Variants in TBC1D9B observed in about 807,000 individuals in gnomAD.
TBC1D9B encodes the protein TBC1 domain family member 9B.
In TBC1D9B, 87 loss-of-function variants were observed where a neutral mutation model predicts 121.1. The ratio of observed to expected loss-of-function variants is 0.72; its 90% confidence interval spans 0.60 to 0.86. The LOEUF (loss-of-function observed/expected upper bound fraction) is 0.86. TBC1D9B is among the 40% of genes least tolerant of loss of function. The pLI, the probability that TBC1D9B is intolerant of heterozygous loss-of-function variation, is 0.00. For missense variants in TBC1D9B, 1,540 were observed against 1,628.6 expected, an observed-to-expected ratio of 0.95 and a Z score of 0.94; for synonymous variants, 668 against 670.1, an observed-to-expected ratio of 1.00 and a Z score of 0.05.
intron 18 of TBC1D9B, chr5:179,867,199 T>C (rs1476369141): frequency 1.5e-5 from 7 of 474,182 alleles, no homozygotes; most frequent in Non-Finnish European, 2.7e-5. Flanking sequence ...GTCTCTAACA[T>C]GTGGCTGTGG....
At chr5:179,876,226 C>T (rs557106005) in intron 10 of TBC1D9B, among the ~76,000 whole-genome samples, 189 bp from the exon 11 acceptor site, 1 of 152,300 alleles carries the variant, frequency 6.6e-6, no homozygotes, top group East Asian at 1.9e-4. Context: ...AGCAAATCTG[C>T]CTCTTCAGGA....
At position 179,875,615 on chromosome 5, in the gene TBC1D9B, T is replaced by A. The variant is rs896736772; in HGVS notation, c.1900+305A>T. On this transcript the variant is annotated intron_variant, in intron 11 of 20. Transcript: ENST00000355235. This position sits in a 1 kb window ranked among gnomAD's most constrained non-coding sequence, Gnocchi z 4.5. ...AATTAAACACTCTTGCAAGTCCATT[T>A]CCACTTCATAACAGATTTCACTGGA... Among the ~76,000 whole-genome samples, 1 of 152,158 alleles carries A rather than the reference T, an allele frequency of 6.6e-6. No individual in the cohort carries two copies. The highest frequency in any genetic ancestry group is 2.4e-5 in the African/African-American group (1 of 41,436).
chr5:179,894,240 G>A (rs1354311394), intron 4 of TBC1D9B, 146 bp downstream of exon 4: 33 of 764,722 alleles, frequency 4.3e-5, no homozygotes, highest in Non-Finnish European at 6.5e-5. Flanking sequence ...GGCCAAGGCC[G>A]GACAGTCCCA....
At chr5:179,889,406 G>A (rs1308902848) in intron 6 of TBC1D9B, among the ~76,000 whole-genome samples, 2 of 148,420 alleles carry the variant, frequency 1.3e-5, no homozygotes, top group Non-Finnish European at 2.9e-5. Flanking sequence ...GGGGAGAGGC[G>A]CACAGAAGGC....
intron 17 of TBC1D9B, 121 bp downstream of exon 17, chr5:179,869,648 C>T: frequency 9.2e-7 from 1 of 1,082,282 alleles, no homozygotes; most frequent in Non-Finnish European, 1.4e-6. Flanking sequence ...ATGTGAACCT[C>T]CAGCCTGCGA....
At chr5:179,903,480 TG>T (rs1761219725) in intron 2 of TBC1D9B, among the ~76,000 whole-genome samples, 1 of 152,172 alleles carries the variant, frequency 6.6e-6, no homozygotes, top group Non-Finnish European at 1.5e-5. Context: ...GGTCAGATTC[TG>T]TAAGGTGGCC....
rs1299063454 is a variant in TBC1D9B, at chr5:179,890,606, G to A, written c.1044+773C>T. Reference sequence around the variant, plus strand: ...CTATTCTCAGCTACATCTGCAACTTGAGGGATTTGTGCAAATGGCAGGGAG... The same window carrying A: ...CTATTCTCAGCTACATCTGCAACTTAAGGGATTTGTGCAAATGGCAGGGAG... On this transcript the variant is annotated intron_variant, in intron 6 of 20. Coordinates refer to ENST00000355235, the MANE Select transcript of TBC1D9B (RefSeq NM_015043.4). The surrounding 1 kb of genome is among the most constrained non-coding windows in gnomAD (Gnocchi z 5.0). 6.6e-6 allele frequency among the ~76,000 whole-genome samples: 1 copy of A among 152,238 alleles called. No individual in the cohort carries two copies. The highest frequency in any genetic ancestry group is 6.5e-5 in the Admixed American group (1 of 15,284).
At chr5:179,889,701 G>T (rs1760803374) in intron 6 of TBC1D9B, among the ~76,000 whole-genome samples, 2 of 151,810 alleles carry the variant, frequency 1.3e-5, no homozygotes, top group Admixed American at 1.3e-4. Context: ...ATGAATCCCT[G>T]TCTCTGTTAA....
chr5:179,878,416 G>C lies in TBC1D9B; in HGVS notation c.1675C>G (p.Arg559Gly). The stretch of plus-strand genomic sequence containing the variant: ...AAGGCAGGGTGCTCGGGCATGGAGC[G>C]GTGCAGGTCTCGCTCGATCTCCTCT... ...ATEEIERDLHRSMPEHPAFQN... is the reference protein window; with the variant it reads ...ATEEIERDLHGSMPEHPAFQN... Residue 559 changes from arginine to glycine, a missense_variant, in exon 10 of 21, where the codon CGC (arginine) becomes GGC (glycine). Arg to Gly is a moderately radical substitution (Grantham distance 125, BLOSUM62 -2). Coordinates refer to ENST00000355235, the MANE Select transcript of TBC1D9B (RefSeq NM_015043.4). 1 of 1,613,468 alleles carries C rather than the reference G, an allele frequency of 6.2e-7. No individual in the cohort carries two copies.
chr5:179,870,168 G>A, intron 16 of TBC1D9B, 87 bp downstream of exon 16: 2 of 1,568,218 alleles, frequency 1.3e-6, no homozygotes, highest in Non-Finnish European at 1.7e-6. Flanking sequence ...GCTGCAGGGG[G>A]AACAGACAGG....
rs888589531 is a variant in TBC1D9B, at chr5:179,907,868, C to T, written c.-47G>A. ...CCGAGGCCCGCGAGACGGAAGCGCCCGCCGCCGTCGGCGTCCCGGAGCGGA... is the reference window on the plus strand; with the variant it reads ...CCGAGGCCCGCGAGACGGAAGCGCCTGCCGCCGTCGGCGTCCCGGAGCGGA... On this transcript the variant is annotated 5_prime_UTR_variant, in exon 1 of 21. Transcript: ENST00000355235. This position sits in a 1 kb window ranked among gnomAD's most constrained non-coding sequence, Gnocchi z 5.3. 106 of 995,208 alleles carry T rather than the reference C, an allele frequency of 1.1e-4. No homozygotes were observed. The highest frequency in any genetic ancestry group is 2.3e-4 in the Admixed American group (4 of 17,156). 61.6% of individuals were successfully genotyped at this position (995,208 alleles called of 1,614,324 possible).
rs2113654830 is a variant in TBC1D9B, at chr5:179,904,896, A to G, written c.119-84T>C. 1 of 1,112,472 alleles carries G rather than the reference A, an allele frequency of 9.0e-7. No individual in the cohort carries two copies. Among genetic ancestry groups the G allele is most frequent in the Admixed American group, 2.7e-5 (1 of 36,958 alleles). 68.9% of individuals were successfully genotyped at this position (1,112,472 alleles called of 1,614,324 possible). Reference sequence around the variant, plus strand: ...AGGCTGAGTCTGGCCGGAGGCAGACAGGATGGTGACGCTACCCAAAGGGTC... The same window carrying G: ...AGGCTGAGTCTGGCCGGAGGCAGACGGGATGGTGACGCTACCCAAAGGGTC... On this transcript the variant is annotated intron_variant, in intron 1 of 20. Coordinates refer to ENST00000355235, the MANE Select transcript of TBC1D9B (RefSeq NM_015043.4). The surrounding 1 kb of genome is among the most constrained non-coding windows in gnomAD (Gnocchi z 4.2).
chr5:179,871,194 A>G (rs913891311), intron 15 of TBC1D9B, among the ~76,000 whole-genome samples: 3 of 152,194 alleles, frequency 2.0e-5, no homozygotes, highest in East Asian at 1.9e-4. Context: ...CTAGCAATAC[A>G]GGGGCAATGT....
At chr5:179,879,328 C>T (rs762382384) in intron 8 of TBC1D9B, 131 bp from the exon 9 acceptor site, 77 of 1,397,822 alleles carry the variant, frequency 5.5e-5, no homozygotes, top group Non-Finnish European at 6.6e-5. Flanking sequence ...TCGCAATTCC[C>T]GGGAAAGACC....
rs1760193800 is a variant in TBC1D9B, at chr5:179,871,380, G to A, written c.2484+82C>T. On this transcript the variant is annotated intron_variant, in intron 15 of 20. Transcript: ENST00000355235. ...ATTCCCTATTTCTATCTACTTCTAA[G>A]AGGATACTCTTAGATCCATTTCTTT... is the stretch of plus-strand genomic sequence containing the variant. 2.9e-6 allele frequency: 4 copies of A among 1,371,566 alleles called. No homozygotes were observed. In the Admixed American group the frequency reaches 7.5e-5, roughly 26 times the overall value. 85.0% of individuals were successfully genotyped at this position (1,371,566 alleles called of 1,614,324 possible).
Position 179,865,711 on chromosome 5 carries a change from G to A in TBC1D9B, c.2914+127C>T, listed in dbSNP as rs1197752678. The A allele has an allele frequency of 4.5e-6, 5 of 1,099,968 alleles. No individual in the cohort carries two copies. The highest frequency in any genetic ancestry group is 5.3e-6 in the Non-Finnish European group (4 of 758,180). The allele number at this position is 1,099,968 out of a possible 1,614,324, so 68.1% of individuals were successfully genotyped here. A position where few individuals can be genotyped will look rare whatever the true frequency, so the allele number is the denominator to read the frequency against. On this transcript the variant is annotated intron_variant, in intron 19 of 20. Coordinates refer to ENST00000355235, the MANE Select transcript of TBC1D9B (RefSeq NM_015043.4). The surrounding 1 kb of genome is among the most constrained non-coding windows in gnomAD (Gnocchi z 5.1). ...CTGTGCATCCCGAGGCCTGCTCCCTGATCGGGGGACGCATCCGCCATCTCC... is the reference window on the plus strand; with the variant it reads ...CTGTGCATCCCGAGGCCTGCTCCCTAATCGGGGGACGCATCCGCCATCTCC...
intron 5 of TBC1D9B, among the ~76,000 whole-genome samples, chr5:179,892,073 GCA>G (rs1403731990): frequency 6.6e-6 from 1 of 152,236 alleles, no homozygotes; most frequent in African/African-American, 2.4e-5. Flanking sequence ...TAACAGAAAT[GCA>G]CACCTGTGTA....
chr5:179,894,707 G>A (rs1242627861), intron 3 of TBC1D9B, 93 bp from the exon 4 acceptor site: 18 of 1,325,990 alleles, frequency 1.4e-5, no homozygotes, highest in African/African-American at 4.4e-5. Flanking sequence ...CAGGACTCAT[G>A]GACCTTGGTC....
In TBC1D9B at chr5:179,903,940, G is replaced by A. The variant is rs751700972; in HGVS notation, c.229+762C>T. Among the ~76,000 whole-genome samples the A allele has an allele frequency of 2.2e-4, 34 of 152,050 alleles. 1 individual carries two copies. The highest frequency in any genetic ancestry group is 3.2e-3 in the Middle Eastern group (1 of 316). ...TCAGCTGGGGACATGGGCATCAGGCGAGTCAAATTTTTCACTGCTTTGAAC... is the reference window on the plus strand; with the variant it reads ...TCAGCTGGGGACATGGGCATCAGGCAAGTCAAATTTTTCACTGCTTTGAAC... On this transcript the variant is annotated intron_variant, in intron 2 of 20. Coordinates refer to ENST00000355235, the MANE Select transcript of TBC1D9B (RefSeq NM_015043.4).
Sources: gnomAD v4.1 joint callset for allele counts (sites outside exome capture counted in the v4.1 genomes callset) on GRCh38, gnomAD v4.1.1 for gene constraint, Gnocchi (gnomAD v3.1) non-coding constraint, MANE v1.5 for transcripts, NCBI Gene and HGNC (gene_info 2026-07-23, HGNC 2026-07-21) for gene names.